The following MPHOSPH8 variants were observed in gnomAD, a reference collection of about 807,000 sequenced individuals.
The protein encoded by MPHOSPH8 is M-phase phosphoprotein 8, also known as M-phase phosphoprotein, mpp.
MPHOSPH8 carries 45 observed loss-of-function variants against 87.3 expected under a neutral mutation model. That is an observed-to-expected ratio of 0.52 (90% CI 0.41 to 0.66). The LOEUF (loss-of-function observed/expected upper bound fraction) is 0.66, where lower values mean the gene tolerates loss of function less well. Among genes scored for constraint, MPHOSPH8 ranks in the 30% least tolerant of loss-of-function variants. The pLI is 0.00. For synonymous variants in MPHOSPH8, 366 were observed against 376.9 expected (o/e 0.97, Z 0.33); for missense variants, 883 against 1,020.2 (o/e 0.87, Z 1.83).
chr13:19,664,113 G>A (rs1875693668), intron 9 of MPHOSPH8, among the ~76,000 whole-genome samples: 1 of 152,080 alleles, frequency 6.6e-6, no homozygotes, highest in Non-Finnish European at 1.5e-5. Context: ...CGAGTAGCTG[G>A]GACTACAGGT....
At chr13:19,641,711 G>T (rs145894842) in intron 1 of MPHOSPH8, among the ~76,000 whole-genome samples, 2,538 of 151,930 alleles carry the variant, frequency 0.017, 66 homozygotes, top group African/African-American at 0.057. Flanking sequence ...GGCCAGGCTG[G>T]TCTTCAACTC....
At position 19,673,054 on chromosome 13, in the gene MPHOSPH8, CAA is replaced by C. The variant is rs752838814; in HGVS notation, c.*1192_*1193del. ...TGAGTGACAGAATGAGACCTTGTCTCAAAAAAAAAAAAAAGTTTCTTGGAACC... is the reference window on the plus strand; with the variant it reads ...TGAGTGACAGAATGAGACCTTGTCTCAAAAAAAAAAAAGTTTCTTGGAACC... On this transcript the variant is annotated 3_prime_UTR_variant, in exon 14 of 14. Coordinates refer to ENST00000361479, the MANE Select transcript of MPHOSPH8 (RefSeq NM_017520.4). The C allele has an allele frequency of 5.7e-3, 2,179 of 380,236 alleles. 2 individuals carry two copies. Among genetic ancestry groups the C allele is most frequent in the South Asian group, 7.3e-3 (398 of 54,430 alleles). The allele number at this position is 380,236 out of a possible 1,614,324, so 23.6% of individuals were successfully genotyped here.
intron 5 of MPHOSPH8, among the ~76,000 whole-genome samples, chr13:19,654,613 G>A (rs577225513): frequency 6.6e-5 from 10 of 152,220 alleles, no homozygotes; most frequent in Admixed American, 6.5e-4. Context: ...ACTTATTCTG[G>A]GAGACCATCA....
At chr13:19,641,323 T>A (rs1874275636) in intron 1 of MPHOSPH8, among the ~76,000 whole-genome samples, 2 of 380 alleles carry the variant, frequency 5.3e-3, no homozygotes, top group East Asian at 0.25. Context: ...CCCAGCTAAT[T>A]TTTTTTTTTT....
intron 8 of MPHOSPH8, 106 bp downstream of exon 8, chr13:19,661,944 G>T: frequency 4.8e-6 from 6 of 1,246,196 alleles, no homozygotes; most frequent in South Asian, 1.9e-5. Context: ...TGGTCACATC[G>T]CTTTTTTTTT....
chr13:19,645,408 A>G lies in MPHOSPH8; in HGVS notation c.370-1035A>G, dbSNP rs892001772. On this transcript the variant is annotated intron_variant, in intron 2 of 13. Coordinates refer to ENST00000361479, the MANE Select transcript of MPHOSPH8 (RefSeq NM_017520.4). ...TCAGGGAGATTGGAAAGGTTAAGCC[A>G]GTGCCACCATATTCCCACTTGTTAA... is the stretch of plus-strand genomic sequence containing the variant. 1.2e-4 allele frequency among the ~76,000 whole-genome samples: 19 copies of G among 152,178 alleles called. 1 individual carries two copies. Among genetic ancestry groups the G allele is most frequent in the Admixed American group, 1.2e-3 (19 of 15,276 alleles).
intron 10 of MPHOSPH8, among the ~76,000 whole-genome samples, chr13:19,667,624 T>C (rs1040108669): frequency 6.6e-6 from 1 of 152,166 alleles, no homozygotes; most frequent in African/African-American, 2.4e-5. Context: ...TCTTTGCAGG[T>C]TGGCCTCTTT....
At chr13:19,659,432 G>A (rs906962965) in intron 7 of MPHOSPH8, 143 bp downstream of exon 7, 2 of 683,090 alleles carry the variant, frequency 2.9e-6, no homozygotes, top group Admixed American at 5.9e-5. Context: ...GGGAGGCCGA[G>A]GCAGGAGGAT....
rs757762189 is a variant in MPHOSPH8 at position 19,666,523 on chromosome 13, T to C, written c.2118T>C (p.Phe706=). 8.7e-6 allele frequency: 14 copies of C among 1,606,096 alleles called. No individual in the cohort carries two copies. Among genetic ancestry groups the C allele is most frequent in the Non-Finnish European group, 1.2e-5 (14 of 1,173,378 alleles). ...AGCACCAGAATAGTGCCCTGCACTT[T>C]GCGAAGCAGTCTAACAATGTGCTTG... ...LSKHQNSALH[F]AKQSNNVLVY... Residue 706 remains phenylalanine, a synonymous_variant, in exon 10 of 14, where the codon TTT becomes TTC. Coordinates refer to ENST00000361479, the MANE Select transcript of MPHOSPH8 (RefSeq NM_017520.4).
Position 19,671,887 on chromosome 13 carries a change from G to A in MPHOSPH8, c.*12G>A. 6.2e-7 allele frequency: 1 copy of A among 1,613,472 alleles called. No homozygotes were observed. Among genetic ancestry groups the A allele is most frequent in the Non-Finnish European group, 8.5e-7 (1 of 1,179,444 alleles). ...TGCAGCTGCAGTGACCAAACAGAAG[G>A]GACTGGGCGGAGTTCTCTTCAGACC... On this transcript the variant is annotated 3_prime_UTR_variant, in exon 14 of 14. Transcript: ENST00000361479.
At position 19,648,421 on chromosome 13, in the gene MPHOSPH8, G is replaced by T; in HGVS notation, c.1219-1G>T. ...TGTTTTGGATATCATGTCATTTTCAGGACAAAGAAACCAAAAGAAATGAAT... is the reference window on the plus strand; with the variant it reads ...TGTTTTGGATATCATGTCATTTTCATGACAAAGAAACCAAAAGAAATGAAT... On this transcript the variant is annotated splice_acceptor_variant, in intron 3 of 13. Transcript: ENST00000361479. LOFTEE classifies it high-confidence loss of function. The T allele has an allele frequency of 6.4e-7, 1 of 1,563,808 alleles. No individual in the cohort carries two copies. Among genetic ancestry groups the T allele is most frequent in the Non-Finnish European group, 8.7e-7 (1 of 1,149,432 alleles).
chr13:19,662,883 G>A (rs1425255605), intron 8 of MPHOSPH8, among the ~76,000 whole-genome samples, 157 bp from the exon 9 acceptor site: 1 of 152,184 alleles, frequency 6.6e-6, no homozygotes, highest in Admixed American at 6.5e-5. Context: ...TGTGGGGCGG[G>A]GTGCACCCCC....
At chr13:19,663,437 T>C (rs17085415) in intron 9 of MPHOSPH8, among the ~76,000 whole-genome samples, 18,005 of 152,206 alleles carry the variant, frequency 0.12, 1,382 homozygotes, top group African/African-American at 0.22. Context: ...GTGTCCTAAA[T>C]GGCAGTCAAG....
intron 2 of MPHOSPH8, 80 bp downstream of exon 2, chr13:19,642,350 T>C: frequency 5.9e-6 from 7 of 1,191,626 alleles, no homozygotes; most frequent in Non-Finnish European, 4.5e-6. Context: ...GTGTAGTAAA[T>C]GATTTACAAA....
chr13:19,634,359 C>T (rs1873875168), intron 1 of MPHOSPH8, among the ~76,000 whole-genome samples: 1 of 152,160 alleles, frequency 6.6e-6, no homozygotes, highest in Admixed American at 6.5e-5. Flanking sequence ...TAACCAACTC[C>T]CTGGTTTAAA....
intron 5 of MPHOSPH8, among the ~76,000 whole-genome samples, chr13:19,653,407 T>G (rs1874968285): frequency 6.6e-6 from 1 of 152,322 alleles, no homozygotes; most frequent in Non-Finnish European, 1.5e-5. Context: ...ACACCCCATC[T>G]GAAAGTCACC....
At chr13:19,651,719 A>G (rs1483939586) in intron 5 of MPHOSPH8, among the ~76,000 whole-genome samples, 1 of 152,170 alleles carries the variant, frequency 6.6e-6, no homozygotes, top group Non-Finnish European at 1.5e-5. Context: ...ATTGAAAAAG[A>G]GGTTTGAAAA....
At chr13:19,640,489 G>A (rs1427012780) in intron 1 of MPHOSPH8, among the ~76,000 whole-genome samples, 1 of 151,976 alleles carries the variant, frequency 6.6e-6, no homozygotes, top group Non-Finnish European at 1.5e-5. Flanking sequence ...GTAAATTGGA[G>A]CATTTTTTCT....
intron 5 of MPHOSPH8, among the ~76,000 whole-genome samples, chr13:19,658,697 C>G: frequency 6.6e-6 from 1 of 152,204 alleles, no homozygotes; most frequent in East Asian, 1.9e-4. Flanking sequence ...ACCAGATCCC[C>G]GATCCCTCCT....
Sources: gnomAD v4.1 joint callset for allele counts (sites outside exome capture counted in the v4.1 genomes callset) on GRCh38, gnomAD v4.1.1 for gene constraint, MANE v1.5 for transcripts, NCBI Gene and HGNC (gene_info 2026-07-23, HGNC 2026-07-21) for gene names.